The following UPRT variants were observed in gnomAD, a reference collection of about 807,000 sequenced individuals.
The protein encoded by UPRT is uracil phosphoribosyltransferase homolog, also known as RP11-311P8.3.
UPRT carries 5 observed loss-of-function variants against 22.6 expected under a neutral mutation model. The ratio of observed to expected loss-of-function variants is 0.22; its 90% confidence interval spans 0.12 to 0.47. The LOEUF is 0.47. UPRT is among the 20% of genes least tolerant of loss of function. The probability of loss-of-function intolerance (pLI) is 0.99; values close to 1 mark genes in which losing one functional copy is unlikely to be tolerated. For missense variants in UPRT, 181 were observed against 239.9 expected, an observed-to-expected ratio of 0.75 and a Z score of 1.62; for synonymous variants, 77 against 87.7, an observed-to-expected ratio of 0.88 and a Z score of 0.68.
rs769288337 is a variant in UPRT, at chrX:75,190,032, A to G, written c.-447+22153A>G. Reference sequence around the variant, plus strand: ...GGATCCTGTCATTGTGATGTTAGCTAGTTATTTTGCTCATTAGTTGATGTA... The same window carrying G: ...GGATCCTGTCATTGTGATGTTAGCTGGTTATTTTGCTCATTAGTTGATGTA... On this transcript the variant is annotated intron_variant, in intron 4 of 13. Transcript: ENST00000652605. 4.7e-4 allele frequency among the ~76,000 whole-genome samples: 52 copies of G among 111,602 alleles called. 2 individuals are homozygous for G. In the South Asian group the frequency reaches 0.019, roughly 42 times the overall value.
intron 4 of UPRT, among the ~76,000 whole-genome samples, chrX:75,258,002 C>A (rs747087280): frequency 1.8e-5 from 2 of 109,941 alleles, no homozygotes; most frequent in Admixed American, 1.9e-4. Context: ...AATTCTCTCC[C>A]CTACCCAAGC....
intron 4 of UPRT, among the ~76,000 whole-genome samples, chrX:75,256,219 A>G (rs1473388859): frequency 1.8e-5 from 2 of 112,064 alleles, no homozygotes; most frequent in Non-Finnish European, 3.8e-5. Flanking sequence ...TAACCTTCAA[A>G]ACTATGCAAA....
At chrX:75,261,301 T>C (rs928491523) in intron 4 of UPRT, among the ~76,000 whole-genome samples, 1 of 108,889 alleles carries the variant, frequency 9.2e-6, no homozygotes, top group African/African-American at 3.3e-5. Context: ...TACAAAAAAA[T>C]CAATGAATCC....
chrX:75,222,987 A>G (rs1378071823), intron 4 of UPRT, among the ~76,000 whole-genome samples: 2 of 110,638 alleles, frequency 1.8e-5, no homozygotes, highest in African/African-American at 6.6e-5. Flanking sequence ...CCAAAGGCCC[A>G]CGGCAAGTAG....
intron 3 of UPRT, among the ~76,000 whole-genome samples, chrX:75,163,644 C>T (rs1348113204): frequency 8.9e-6 from 1 of 112,051 alleles, no homozygotes; most frequent in Non-Finnish European, 1.9e-5. Context: ...ATGTTTATAG[C>T]AGCATTGTTT....
chrX:75,300,934 C>T lies in UPRT; in HGVS notation c.792C>T (p.Ile264=). The change falls in exon 6 of 7, where the codon ATC becomes ATT. Residue 264 remains isoleucine, a synonymous_variant. Transcript: ENST00000373383. ...LIEHGVQPSV[I]ILLSLFSTPH... ...AACATGGAGTTCAACCCAGTGTTAT[C>T]ATCCTACTCAGTCTGTTCTCCACTC... 8.3e-7 allele frequency: 1 copy of T among 1,209,496 alleles called. No homozygotes were observed. Among genetic ancestry groups the T allele is most frequent in the Admixed American group, 2.2e-5 (1 of 45,900 alleles).
intron 4 of UPRT, among the ~76,000 whole-genome samples, chrX:75,254,173 A>T (rs1448231004): frequency 1.8e-5 from 2 of 111,801 alleles, no homozygotes; most frequent in African/African-American, 6.5e-5. Flanking sequence ...AATGGATCCA[A>T]ACCAAGAAGA....
chrX:75,195,570 T>TTTTGCAATGAGA (rs2082330430), intron 4 of UPRT, among the ~76,000 whole-genome samples: 1 of 112,190 alleles, frequency 8.9e-6, no homozygotes, highest in Non-Finnish European at 1.9e-5. Context: ...CACTGCCAGC[T>TTTTGCAATGAGA]GAAGTGTCCA....
At chrX:75,178,234 G>A (rs918940760) in intron 4 of UPRT, among the ~76,000 whole-genome samples, 3 of 112,137 alleles carry the variant, frequency 2.7e-5, no homozygotes, top group Non-Finnish European at 5.6e-5. Context: ...TTAGTCCGGC[G>A]GCTGCGCTAG....
intron 4 of UPRT, among the ~76,000 whole-genome samples, chrX:75,259,091 T>C (rs1454865550): frequency 9.0e-6 from 1 of 110,948 alleles, no homozygotes; most frequent in Non-Finnish European, 1.9e-5. Context: ...ACAAAGAGGA[T>C]ATCCACTAAG....
At position 75,162,637 on chromosome X, in the gene UPRT, T is replaced by A. The variant is rs961322717; in HGVS notation, c.-614-495T>A. On this transcript the variant is annotated intron_variant, in intron 2 of 13. Transcript: ENST00000652605. ...GCTGAGCCTGATGAGGGTTCATATCTGTCTATTAATGTAATATCACTAAGA... is the reference window on the plus strand; with the variant it reads ...GCTGAGCCTGATGAGGGTTCATATCAGTCTATTAATGTAATATCACTAAGA... Among the ~76,000 whole-genome samples, 3 of 111,774 alleles carry A rather than the reference T, an allele frequency of 2.7e-5. No individual in the cohort carries two copies. The South Asian group carries it at 1.1e-3, about 42-fold the overall frequency.
chrX:75,240,284 C>T (rs772471311), intron 4 of UPRT, among the ~76,000 whole-genome samples: 1 of 111,060 alleles, frequency 9.0e-6, no homozygotes, highest in Non-Finnish European at 1.9e-5. Flanking sequence ...AAATCAGTAG[C>T]ACTGCTATAC....
chrX:75,186,196 C>T (rs1340137393), intron 4 of UPRT, among the ~76,000 whole-genome samples: 10 of 110,646 alleles, frequency 9.0e-5, no homozygotes, highest in African/African-American at 1.6e-4. Flanking sequence ...GCTTTGAATG[C>T]GTCCCAGAGA....
At chrX:75,217,578 G>A (rs1168422682) in intron 4 of UPRT, among the ~76,000 whole-genome samples, 1 of 111,907 alleles carries the variant, frequency 8.9e-6, no homozygotes, top group East Asian at 2.8e-4. Flanking sequence ...TTGTGAATGG[G>A]AGTTCACTCC....
chrX:75,271,703 C>A (rs1304618248), upstream of UPRT, among the ~76,000 whole-genome samples: 2 of 111,833 alleles, frequency 1.8e-5, no homozygotes, highest in Non-Finnish European at 3.8e-5. Flanking sequence ...GCAGAGTAAA[C>A]AGACAACCCA....
chrX:75,265,071 C>G (rs981439901), intron 4 of UPRT, among the ~76,000 whole-genome samples: 1 of 112,009 alleles, frequency 8.9e-6, no homozygotes, highest in Admixed American at 9.5e-5. Context: ...ATGGGCTTCC[C>G]TTTGTGGGTA....
chrX:75,237,893 A>G (rs1311197022), intron 4 of UPRT, among the ~76,000 whole-genome samples: 2 of 109,483 alleles, frequency 1.8e-5, no homozygotes, highest in East Asian at 2.9e-4. Flanking sequence ...GCACATGTAT[A>G]CATATGTAAC....
intron 4 of UPRT, among the ~76,000 whole-genome samples, chrX:75,261,970 G>C (rs755613319): frequency 1.8e-5 from 2 of 110,998 alleles, no homozygotes; most frequent in Non-Finnish European, 3.8e-5. Context: ...GAAACTCCAA[G>C]ACACATAATA....
At chrX:75,299,621 T>G in intron 4 of UPRT, 114 bp from the exon 5 acceptor site, 1 of 791,637 alleles carries the variant, frequency 1.3e-6, no homozygotes, top group Non-Finnish European at 1.7e-6. Context: ...AAAATAATTA[T>G]TTTCATCTTC....
Sources: gnomAD v4.1 joint callset for allele counts (sites outside exome capture counted in the v4.1 genomes callset) on GRCh38, gnomAD v4.1.1 for gene constraint, MANE v1.5 for transcripts, NCBI Gene and HGNC (gene_info 2026-07-23, HGNC 2026-07-21) for gene names.